HIKESHI: variants seen among roughly 807,000 people sequenced by gnomAD.
HIKESHI encodes heat shock protein nuclear import factor hikeshi.
A neutral mutation model predicts 25.7 loss-of-function variants in HIKESHI; 13 were observed. The ratio of observed to expected loss-of-function variants is 0.51; its 90% CI spans 0.33 to 0.80. The LOEUF (loss-of-function observed/expected upper bound fraction) is 0.80. Ranked by LOEUF, HIKESHI falls within the 30% of genes least tolerant of loss-of-function variation. HIKESHI has a pLI of 0.02. For synonymous variants in HIKESHI, 76 were observed against 78.7 expected (o/e 0.97, Z 0.18); for missense variants, 174 against 229.5 (o/e 0.76, Z 1.56).
At chr11:86,344,009 C>T (rs1259084709) in intron 3 of HIKESHI, 2 of 152,204 alleles carry the variant, frequency 1.3e-5, no homozygotes, top group African/African-American at 2.4e-5. Flanking sequence ...GGAAGGGAAA[C>T]AGATTAGGAA....
chr11:86,338,413 G>A (rs766576193), intron 3 of HIKESHI, among the ~76,000 whole-genome samples: 1 of 152,200 alleles, frequency 6.6e-6, no homozygotes, highest in Non-Finnish European at 1.5e-5. Flanking sequence ...ACTTTAGACA[G>A]GATAATGGAT....
rs5793197 is a variant in HIKESHI at position 86,329,189 on chromosome 11, TAA to T, written c.269-8179_269-8178del. ...TATTTAAAAGGAAAACGTGATGAGT[TAA>T]AAAAAAAAAAGCTTTCAGAAACGGT... On this transcript the variant is annotated intron_variant, in intron 2 of 4. Transcript: ENST00000278483. Among the ~76,000 whole-genome samples, 1,024 of 147,332 alleles carry T rather than the reference TAA, an allele frequency of 7.0e-3. 13 individuals carry two copies. The highest frequency in any genetic ancestry group is 0.022 in the African/African-American group (894 of 40,472).
intron 2 of HIKESHI, among the ~76,000 whole-genome samples, chr11:86,310,362 CTGTT>C (rs770556708): frequency 6.6e-5 from 10 of 152,020 alleles, no homozygotes; most frequent in East Asian, 3.9e-4. Context: ...ATTTGGCTCT[CTGTT>C]TGTCTGTTAT....
At chr11:86,330,417 T>G (rs1565736816) in intron 2 of HIKESHI, among the ~76,000 whole-genome samples, 1 of 152,222 alleles carries the variant, frequency 6.6e-6, no homozygotes, top group Non-Finnish European at 1.5e-5. Flanking sequence ...AATTCAACAT[T>G]GCAGCCCTTC....
chr11:86,317,039 G>A (rs561432558), intron 2 of HIKESHI, among the ~76,000 whole-genome samples: 9 of 151,986 alleles, frequency 5.9e-5, no homozygotes, highest in Admixed American at 3.3e-4. Context: ...TGATCCACCC[G>A]TCTTGGCCTC....
At chr11:86,323,530 A>G (rs1947201327) in intron 2 of HIKESHI, among the ~76,000 whole-genome samples, 1 of 152,244 alleles carries the variant, frequency 6.6e-6, no homozygotes, top group Non-Finnish European at 1.5e-5. Flanking sequence ...GAGACATACC[A>G]ATCAAATTGT....
At chr11:86,331,982 C>T (rs868807049) in intron 2 of HIKESHI, among the ~76,000 whole-genome samples, 81 of 129,470 alleles carry the variant, frequency 6.3e-4, no homozygotes, top group Non-Finnish European at 7.1e-4. Context: ...GTTTTCTTTT[C>T]TTTTTTTTTT....
chr11:86,319,546 A>C (rs291213), intron 2 of HIKESHI, among the ~76,000 whole-genome samples: 93,924 of 151,634 alleles, frequency 0.62, 29,282 homozygotes, highest in East Asian at 0.79. Context: ...CCTGAGTTAT[A>C]GCACCCAGCC....
intron 2 of HIKESHI, among the ~76,000 whole-genome samples, chr11:86,333,467 G>A (rs777222796): frequency 8.6e-5 from 13 of 151,744 alleles, no homozygotes; most frequent in African/African-American, 1.5e-4. Flanking sequence ...CCCAGGAGGC[G>A]GAGGTTGCAG....
chr11:86,331,185 G>T (rs1947413360), intron 2 of HIKESHI, among the ~76,000 whole-genome samples: 1 of 152,110 alleles, frequency 6.6e-6, no homozygotes, highest in South Asian at 2.1e-4. Context: ...CACTAGAAAG[G>T]ATGTTAGAAA....
intron 2 of HIKESHI, among the ~76,000 whole-genome samples, chr11:86,328,493 A>G (rs1056451734): frequency 1.9e-4 from 28 of 149,398 alleles, no homozygotes; most frequent in African/African-American, 6.9e-4. Flanking sequence ...GTGCAGTGGC[A>G]TGCAACCTCT....
chr11:86,304,457 T>C (rs1330586567), intron 1 of HIKESHI, among the ~76,000 whole-genome samples: 1 of 151,326 alleles, frequency 6.6e-6, no homozygotes, highest in African/African-American at 2.4e-5. Flanking sequence ...TTACGAGGAC[T>C]GAAACAAGAT....
Position 86,302,337 on chromosome 11 carries a change from A to G in HIKESHI, c.-112A>G, listed in dbSNP as rs1437666665. The stretch of plus-strand genomic sequence containing the variant: ...CCCAGTCACTATGTAGTGGAGGGGC[A>G]GACACCCTCCCGCAAATTCTGGAAG... On this transcript the variant is annotated 5_prime_UTR_variant, in exon 1 of 5. Transcript: ENST00000278483. The G allele has an allele frequency of 7.5e-7, 1 of 1,338,990 alleles. No individual in the cohort carries two copies. The allele number at this position is 1,338,990 out of a possible 1,614,324, so 82.9% of individuals were successfully genotyped here. A position where few individuals can be genotyped will look rare whatever the true frequency, so the allele number is the denominator to read the frequency against.
intron 2 of HIKESHI, among the ~76,000 whole-genome samples, chr11:86,325,967 T>C (rs566670879): frequency 1.5e-4 from 23 of 152,124 alleles, no homozygotes; most frequent in African/African-American, 5.3e-4. Context: ...TGGCTTCAGA[T>C]GCTGGTTTTA....
chr11:86,343,585 T>C (rs1301736331), intron 3 of HIKESHI: 5 of 152,242 alleles, frequency 3.3e-5, no homozygotes, highest in Admixed American at 2.0e-4. Context: ...CAGTGAGCCA[T>C]GATTGTGCCA....
intron 2 of HIKESHI, among the ~76,000 whole-genome samples, chr11:86,334,600 G>T (rs1000998737): frequency 6.6e-5 from 10 of 152,090 alleles, no homozygotes; most frequent in African/African-American, 2.4e-4. Context: ...CTTTGATAAT[G>T]ATATGTTTTC....
At chr11:86,344,523 G>A in intron 3 of HIKESHI, 80 bp from the exon 4 acceptor site, 1 of 864,118 alleles carries the variant, frequency 1.2e-6, no homozygotes, top group South Asian at 2.0e-5. Flanking sequence ...AAGTTAATGT[G>A]AGAACACTTT....
chr11:86,315,028 T>A (rs1305754751), intron 2 of HIKESHI, among the ~76,000 whole-genome samples: 1 of 152,204 alleles, frequency 6.6e-6, no homozygotes, highest in African/African-American at 2.4e-5. Flanking sequence ...TGACATAGTA[T>A]TTGAACAATC....
chr11:86,326,319 A>AAAAAT (rs745374959), intron 2 of HIKESHI, among the ~76,000 whole-genome samples: 5 of 152,146 alleles, frequency 3.3e-5, no homozygotes, highest in Non-Finnish European at 7.4e-5. Flanking sequence ...TAAATAAATA[A>AAAAAT]AAAATAAAAT....
Sources: gnomAD v4.1 joint callset for allele counts (sites outside exome capture counted in the v4.1 genomes callset) on GRCh38, gnomAD v4.1.1 for gene constraint, MANE v1.5 for transcripts, NCBI Gene and HGNC (gene_info 2026-07-23, HGNC 2026-07-21) for gene names.